Variants in KLF12 observed in about 807,000 individuals in gnomAD.
KLF12 encodes Krueppel-like factor 12.
A neutral mutation model predicts 37.8 loss-of-function variants in KLF12; 9 were observed. The observed-to-expected ratio is 0.24, with a 90% confidence interval of 0.14 to 0.42. The LOEUF is 0.42. Among genes scored for constraint, KLF12 ranks in the 10% least tolerant of loss-of-function variants. The pLI, the probability that KLF12 is intolerant of heterozygous loss-of-function variation, is 1.00. For synonymous variants in KLF12, 208 were observed against 202.1 expected, an observed-to-expected ratio of 1.03 and a Z score of -0.25; for missense variants, 411 against 516.0, an observed-to-expected ratio of 0.80 and a Z score of 1.97.
In KLF12 at chr13:74,056,723, C is replaced by A. The variant is rs572543773; in HGVS notation, c.-31-61670G>T. 1.1e-3 allele frequency among the ~76,000 whole-genome samples: 162 copies of A among 152,124 alleles called. 1 individual carries two copies. The highest frequency in any genetic ancestry group is 3.7e-3 in the African/African-American group (155 of 41,484). On this transcript the variant is annotated intron_variant, in intron 1 of 7. Coordinates refer to ENST00000377669, the MANE Select transcript of KLF12 (RefSeq NM_007249.5). ...CCCAACTCATCTAAAATCTACTAGACCAAAAAAGCCGAGATTACCATAATT... is the reference window on the plus strand; with the variant it reads ...CCCAACTCATCTAAAATCTACTAGAACAAAAAAGCCGAGATTACCATAATT...
intron 3 of KLF12, among the ~76,000 whole-genome samples, chr13:73,884,897 T>C (rs1887147137): frequency 1.3e-5 from 2 of 152,164 alleles, no homozygotes; most frequent in South Asian, 4.1e-4. Context: ...GGGCAACCAC[T>C]TCTTCATGAA....
chr13:73,722,274 A>G (rs1876324534), intron 6 of KLF12, among the ~76,000 whole-genome samples: 1 of 152,206 alleles, frequency 6.6e-6, no homozygotes, highest in African/African-American at 2.4e-5. Flanking sequence ...TCAGTTAATC[A>G]GGATTTACAT....
chr13:73,812,418 ATTAATTAAC>A (rs1367510099), intron 5 of KLF12, among the ~76,000 whole-genome samples: 5 of 127,532 alleles, frequency 3.9e-5, no homozygotes, highest in Non-Finnish European at 9.1e-5. Context: ...TGAGGAATGT[ATTAATTAAC>A]TTAATTGTGG....
At chr13:74,139,226 G>A in the KLF12 span, among the ~76,000 whole-genome samples, 3 of 152,248 alleles carry the variant, frequency 2.0e-5, no homozygotes, top group South Asian at 2.1e-4. Context: ...TTATTCTTCA[G>A]GTTCTCACAC....
At chr13:73,916,246 C>CACACACAT (rs1491519733) in intron 3 of KLF12, among the ~76,000 whole-genome samples, 4 of 32,990 alleles carry the variant, frequency 1.2e-4, no homozygotes, top group African/African-American at 3.4e-4. Flanking sequence ...CACACGCACA[C>CACACACAT]GCACACACAC....
intron 1 of KLF12, among the ~76,000 whole-genome samples, chr13:74,078,347 A>C (rs759299999): frequency 6.6e-6 from 1 of 152,232 alleles, no homozygotes. Flanking sequence ...TCCAAAGCAC[A>C]TAACTGTTAC....
At chr13:74,235,916 T>C in the KLF12 span, among the ~76,000 whole-genome samples, 3 of 142,828 alleles carry the variant, frequency 2.1e-5, no homozygotes, top group Non-Finnish European at 4.6e-5. Context: ...TTTTTAATTT[T>C]TTTATTTTTT....
the KLF12 span, among the ~76,000 whole-genome samples, chr13:74,267,431 C>T: frequency 6.6e-6 from 1 of 152,194 alleles, no homozygotes; most frequent in Non-Finnish European, 1.5e-5. Context: ...TCGTTCATGG[C>T]AACATGGATG....
At chr13:73,705,743 AG>A (rs1473404782) in intron 7 of KLF12, among the ~76,000 whole-genome samples, 2 of 152,240 alleles carry the variant, frequency 1.3e-5, no homozygotes, top group African/African-American at 4.8e-5. Flanking sequence ...GAGAGAAAGT[AG>A]AAAGACTGAA....
intron 5 of KLF12, among the ~76,000 whole-genome samples, chr13:73,771,524 TTA>T (rs10531027): frequency 0.3 from 45,189 of 152,036 alleles, 7,167 homozygotes; most frequent in East Asian, 0.56. Context: ...TAAAAATGTT[TTA>T]TGTTTAGAAA....
At chr13:73,733,640 T>C (rs568623076) in intron 6 of KLF12, among the ~76,000 whole-genome samples, 340 of 152,324 alleles carry the variant, frequency 2.2e-3, no homozygotes, top group Non-Finnish European at 4.2e-3. Context: ...TTATGACCAG[T>C]ATCTGTTTGG....
chr13:73,805,750 G>A (rs1018475837), intron 5 of KLF12, among the ~76,000 whole-genome samples: 16 of 151,918 alleles, frequency 1.1e-4, no homozygotes, highest in Admixed American at 6.6e-4. Flanking sequence ...AGTTTTATGC[G>A]TATTGGAGTC....
At chr13:74,245,883 A>G in the KLF12 span, among the ~76,000 whole-genome samples, 1 of 152,258 alleles carries the variant, frequency 6.6e-6, no homozygotes, top group Admixed American at 6.5e-5. Flanking sequence ...TTAAAAAATC[A>G]TAGTAACTGT....
intron 1 of KLF12, among the ~76,000 whole-genome samples, chr13:74,071,612 G>T (rs1256138531): frequency 6.6e-6 from 1 of 152,126 alleles, no homozygotes; most frequent in Non-Finnish European, 1.5e-5. Flanking sequence ...AGAATGGCGT[G>T]AACTCGGGAG....
intron 5 of KLF12, among the ~76,000 whole-genome samples, chr13:73,794,899 G>GTTCT (rs1328275029): frequency 6.6e-6 from 1 of 152,134 alleles, no homozygotes; most frequent in Admixed American, 6.5e-5. Context: ...GATTGCTTAT[G>GTTCT]TTCTCTGTGC....
chr13:73,859,016 A>G (rs756153979), intron 3 of KLF12, among the ~76,000 whole-genome samples: 4 of 152,214 alleles, frequency 2.6e-5, no homozygotes, highest in Non-Finnish European at 5.9e-5. Context: ...CAGATGGTGT[A>G]CGGGACAAAC....
chr13:74,178,466 G>A, the KLF12 span, among the ~76,000 whole-genome samples: 1 of 152,186 alleles, frequency 6.6e-6, no homozygotes, highest in African/African-American at 2.4e-5. Context: ...TAGTATTATA[G>A]AAAAGAGAGG....
chr13:74,248,203 T>A, the KLF12 span, among the ~76,000 whole-genome samples: 331 of 152,240 alleles, frequency 2.2e-3, no homozygotes, highest in Middle Eastern at 3.4e-3. Flanking sequence ...TTCTTGTGAG[T>A]TTACACTGAG....
chr13:73,967,499 G>A (rs1222321747), intron 2 of KLF12, among the ~76,000 whole-genome samples: 1 of 152,176 alleles, frequency 6.6e-6, no homozygotes, highest in Non-Finnish European at 1.5e-5. Flanking sequence ...CGCCAAGGAG[G>A]AGTCCATGCC....
Sources: gnomAD v4.1 joint callset for allele counts (sites outside exome capture counted in the v4.1 genomes callset) on GRCh38, gnomAD v4.1.1 for gene constraint, MANE v1.5 for transcripts, NCBI Gene and HGNC (gene_info 2026-07-23, HGNC 2026-07-21) for gene names.